USP7: variants seen among roughly 807,000 people sequenced by gnomAD.
The protein encoded by USP7 is ubiquitin C-terminal hydrolase 7.
USP7 carries 9 observed loss-of-function variants against 162.9 expected under a neutral mutation model. The observed-to-expected ratio is 0.06, with a 90% CI of 0.03 to 0.10. The LOEUF (loss-of-function observed/expected upper bound fraction) is 0.10, where lower values mean the gene tolerates loss of function less well. Among genes scored for constraint, USP7 ranks in the 10% least tolerant of loss-of-function variants. The pLI is 1.00. For synonymous variants in USP7, 562 were observed against 475.9 expected, an observed-to-expected ratio of 1.18 and a Z score of -2.35; for missense variants, 715 against 1,373.7, an observed-to-expected ratio of 0.52 and a Z score of 7.58.
intron 14 of USP7, 102 bp downstream of exon 14, chr16:8,905,070 TGAATACAATGGAATA>T: frequency 7.6e-7 from 1 of 1,316,392 alleles, no homozygotes; most frequent in Non-Finnish European, 1.1e-6. Context: ...TGCGCTGCTG[TGAATACAATGGAATA>T]AGCATAAAAT....
intron 29 of USP7, 32 bp downstream of exon 29, chr16:8,894,752 C>G: frequency 6.2e-7 from 1 of 1,614,146 alleles, no homozygotes; most frequent in East Asian, 2.2e-5. Flanking sequence ...GCCTATGGCC[C>G]GCCAAGCCCC....
chr16:8,918,390 A>G lies in USP7; in HGVS notation c.720+641T>C, dbSNP rs79570814. 4.3e-3 allele frequency among the ~76,000 whole-genome samples: 661 copies of G among 152,332 alleles called. 29 individuals are homozygous for G. In the East Asian group the frequency reaches 0.077, roughly 18 times the overall value. On this transcript the variant is annotated intron_variant, in intron 6 of 30. Coordinates refer to ENST00000344836, the MANE Select transcript of USP7 (RefSeq NM_003470.3). ...ATTCTTTTTGTTAAAATTTTCAATA[A>G]AAGTAAGTTGCATTGACTTTTCAAC...
At chr16:8,943,984 G>T (rs1253493887) in intron 1 of USP7, among the ~76,000 whole-genome samples, 1 of 152,008 alleles carries the variant, frequency 6.6e-6, no homozygotes, top group Non-Finnish European at 1.5e-5. Flanking sequence ...TATAAGGTGC[G>T]GGGGAGGCAG....
intron 11 of USP7, among the ~76,000 whole-genome samples, chr16:8,910,192 G>C (rs1020314057): frequency 1.3e-5 from 2 of 151,980 alleles, no homozygotes; most frequent in Non-Finnish European, 1.5e-5. Context: ...CAACAGACCA[G>C]CCAGACCAGC....
chr16:8,953,094 G>A (rs1051598388), intron 1 of USP7, among the ~76,000 whole-genome samples: 1 of 151,970 alleles, frequency 6.6e-6, no homozygotes, highest in African/African-American at 2.4e-5. Context: ...TTGGCCTCCC[G>A]AAATGCTGGG....
chr16:8,899,911 A>G, intron 21 of USP7, 154 bp from the exon 22 acceptor site: 1 of 880,680 alleles, frequency 1.1e-6, no homozygotes, highest in Non-Finnish European at 1.8e-6. Flanking sequence ...CATCTGCCTG[A>G]GCTCCCTCTG....
chr16:8,905,090 T>C lies in USP7; in HGVS notation c.1573+97A>G, dbSNP rs928777232. ...TGCTGTGAATACAATGGAATAAGCATAAAATGTGTTTGGACAGAAAAGGAT... is the reference window on the plus strand; with the variant it reads ...TGCTGTGAATACAATGGAATAAGCACAAAATGTGTTTGGACAGAAAAGGAT... On this transcript the variant is annotated intron_variant, in intron 14 of 30. Transcript: ENST00000344836. 22 of 1,469,952 alleles carry C rather than the reference T, an allele frequency of 1.5e-5. No individual in the cohort carries two copies. The South Asian group carries it at 2.2e-4, about 14-fold the overall frequency. 91.1% of individuals were successfully genotyped at this position (1,469,952 alleles called of 1,614,324 possible).
At position 8,963,466 on chromosome 16, in the gene USP7, C is replaced by G. The variant is rs1173548130; in HGVS notation, c.-181G>C. ...GGCCCGCGGCGGGCGGCGGCGGCGG[C>G]AGGGAGACGCGCACGTACTTGCTCG... On this transcript the variant is annotated 5_prime_UTR_variant, in exon 1 of 31. Transcript: ENST00000344836. The G allele has an allele frequency of 7.2e-6, 1 of 138,274 alleles. No individual in the cohort carries two copies. The highest frequency in any genetic ancestry group is 2.4e-4 in the East Asian group (1 of 4,114). The allele number at this position is 138,274 out of a possible 1,614,324, so 8.6% of individuals were successfully genotyped here.
chr16:8,933,758 C>CT (rs550079695), intron 1 of USP7, among the ~76,000 whole-genome samples: 1,572 of 143,256 alleles, frequency 0.011, 16 homozygotes, highest in African/African-American at 0.031. Flanking sequence ...CCTATACAAA[C>CT]TTTTTTTTTT....
intron 1 of USP7, among the ~76,000 whole-genome samples, chr16:8,937,199 ACT>A (rs1352873942): frequency 3.3e-5 from 3 of 91,088 alleles, no homozygotes; most frequent in Non-Finnish European, 6.6e-5. Context: ...ACACAGTGAG[ACT>A]CTGTCTTTTT....
intron 1 of USP7, among the ~76,000 whole-genome samples, chr16:8,942,168 A>G (rs1899076954): frequency 6.6e-6 from 1 of 152,234 alleles, no homozygotes; most frequent in Admixed American, 6.5e-5. Flanking sequence ...AGGCCACGAT[A>G]AGCATTCTTA....
At chr16:8,917,196 A>T in intron 6 of USP7, 40 bp from the exon 7 acceptor site, 1 of 1,560,052 alleles carries the variant, frequency 6.4e-7, no homozygotes, top group Non-Finnish European at 8.6e-7. Context: ...CTCTGAGAAG[A>T]TGCAGGGGAA....
intron 14 of USP7, 105 bp from the exon 15 acceptor site, chr16:8,904,670 T>G (rs1387424981): frequency 1.3e-6 from 2 of 1,503,908 alleles, no homozygotes; most frequent in Non-Finnish European, 1.8e-6. Flanking sequence ...TAGGCCGGCG[T>G]GGTGGCTTAC....
intron 1 of USP7, among the ~76,000 whole-genome samples, chr16:8,940,029 C>T (rs965805901): frequency 6.6e-5 from 10 of 151,920 alleles, no homozygotes; most frequent in Admixed American, 1.3e-4. Context: ...ACCAGGGAGG[C>T]GAAGGTTGTA....
intron 1 of USP7, among the ~76,000 whole-genome samples, chr16:8,930,973 T>TA (rs35685543): frequency 0.63 from 91,134 of 143,646 alleles, 30,854 homozygotes; most frequent in East Asian, 0.86. Flanking sequence ...AGTCTCAAAT[T>TA]AAAAAAAAAA....
At chr16:8,902,972 T>C (rs2061800498) in intron 16 of USP7, among the ~76,000 whole-genome samples, 1 of 152,242 alleles carries the variant, frequency 6.6e-6, no homozygotes, top group Non-Finnish European at 1.5e-5. Context: ...CAGGATCGAA[T>C]GCCCATTTAC....
At chr16:8,952,098 G>GA (rs1180101156) in intron 1 of USP7, among the ~76,000 whole-genome samples, 1 of 151,410 alleles carries the variant, frequency 6.6e-6, no homozygotes. Flanking sequence ...ATACAAAAAA[G>GA]AAAAAAAATG....
At chr16:8,898,139 T>G (rs551594401) in intron 25 of USP7, among the ~76,000 whole-genome samples, 1 of 152,156 alleles carries the variant, frequency 6.6e-6, no homozygotes, top group Non-Finnish European at 1.5e-5. Flanking sequence ...AAGGGTTGGC[T>G]GCCGAATGGT....
intron 26 of USP7, 89 bp from the exon 27 acceptor site, chr16:8,895,830 C>G (rs1049296947): frequency 1.4e-5 from 13 of 901,174 alleles, no homozygotes; most frequent in Non-Finnish European, 1.8e-5. Flanking sequence ...AATAAAGTTA[C>G]CACGATATGT....
Sources: allele counts gnomAD v4.1 joint callset (sites outside exome capture counted in the v4.1 genomes callset), GRCh38; gene constraint gnomAD v4.1.1; transcripts MANE v1.5; gene names NCBI Gene and HGNC (gene_info 2026-07-23, HGNC 2026-07-21).